The following BRWD1 variants were observed in gnomAD, a reference collection of about 807,000 sequenced individuals.
BRWD1 encodes bromodomain and WD repeat domain containing 1.
A neutral mutation model predicts 251.2 loss-of-function variants in BRWD1; 82 were observed. The observed-to-expected ratio is 0.33, with a 90% CI of 0.27 to 0.39. BRWD1 has a LOEUF of 0.39. BRWD1 is among the 10% of genes least tolerant of loss of function. BRWD1 has a pLI of 1.00. For synonymous variants in BRWD1, 918 were observed against 902.8 expected (o/e 1.02, Z -0.30); for missense variants, 2,233 against 2,711.6 (o/e 0.82, Z 3.92).
intron 5 of BRWD1, 138 bp from the exon 6 acceptor site, chr21:39,296,501 G>T: frequency 7.9e-7 from 1 of 1,262,474 alleles, no homozygotes; most frequent in Non-Finnish European, 1.0e-6. Context: ...AAAAGCCCTG[G>T]AGGTTTATTA....
At chr21:39,264,186 A>C (rs1489907393) in intron 17 of BRWD1, among the ~76,000 whole-genome samples, 1 of 152,188 alleles carries the variant, frequency 6.6e-6, no homozygotes, top group African/African-American at 2.4e-5. Flanking sequence ...GTTACACACT[A>C]TAGATTTGAT....
chr21:39,298,828 T>C (rs2036028653), intron 4 of BRWD1, among the ~76,000 whole-genome samples: 1 of 152,092 alleles, frequency 6.6e-6, no homozygotes, highest in South Asian at 2.1e-4. Flanking sequence ...TGTTCTAAAA[T>C]TTATATGCAA....
chr21:39,228,986 G>T (rs909111832), intron 26 of BRWD1, among the ~76,000 whole-genome samples: 1 of 152,146 alleles, frequency 6.6e-6, no homozygotes, highest in African/African-American at 2.4e-5. Context: ...GACAGCACAG[G>T]TGTAGGAAAT....
chr21:39,274,381 T>C lies in BRWD1; in HGVS notation c.1237A>G (p.Ile413Val). The change falls in exon 13 of 41, where the codon ATC becomes GTC. Residue 413 changes from isoleucine to valine, a missense_variant. By Grantham distance (29) the Ile-to-Val change is conservative. This residue lies in a region of BRWD1 where 315 missense variants were observed against 421.8 expected (regional missense o/e 0.75). Transcript: ENST00000342449. Reference sequence around the variant, plus strand: ...CTAACAATCTCAACTTACCCTGAGATTCTGGTAGCCATATCCAATAAAATG... The same window carrying C: ...CTAACAATCTCAACTTACCCTGAGACTCTGGTAGCCATATCCAATAAAATG... ...RSILLDMATRISGDLSSEEER... is the reference protein window; with the variant it reads ...RSILLDMATRVSGDLSSEEER... 6.2e-7 allele frequency: 1 copy of C among 1,612,642 alleles called. No individual in the cohort carries two copies. The highest frequency in any genetic ancestry group is 8.5e-7 in the Non-Finnish European group (1 of 1,178,800).
chr21:39,225,250 A>T (rs2033333817), intron 27 of BRWD1, 53 bp from the exon 28 acceptor site: 4 of 1,286,586 alleles, frequency 3.1e-6, no homozygotes, highest in South Asian at 2.4e-5. Flanking sequence ...ATTCATTAAC[A>T]TTTTTTTAAT....
rs75966259 is a variant in BRWD1, at chr21:39,288,185, T to C, written c.831+5626A>G. 3.4e-3 allele frequency among the ~76,000 whole-genome samples: 515 copies of C among 152,244 alleles called. 1 individual carries two copies. The highest frequency in any genetic ancestry group is 0.012 in the African/African-American group (500 of 41,552). Reference sequence around the variant, plus strand: ...AGACCTTTCCATAGGGCAGTTTGAGTGTGCAATCTACCTAACAACTGGCTT... The same window carrying C: ...AGACCTTTCCATAGGGCAGTTTGAGCGTGCAATCTACCTAACAACTGGCTT... On this transcript the variant is annotated intron_variant, in intron 8 of 40. Transcript: ENST00000342449.
At chr21:39,267,289 C>T (rs1215022005) in intron 15 of BRWD1, among the ~76,000 whole-genome samples, 1 of 151,930 alleles carries the variant, frequency 6.6e-6, no homozygotes, top group Non-Finnish European at 1.5e-5. Context: ...GATGCTACTA[C>T]ACTGCCTCTA....
intron 37 of BRWD1, among the ~76,000 whole-genome samples, chr21:39,203,599 A>G (rs907070164): frequency 2.0e-5 from 3 of 150,822 alleles, no homozygotes; most frequent in African/African-American, 7.3e-5. Context: ...AGTAGAGACA[A>G]GGTTTCACCA....
At chr21:39,260,102 T>C (rs1227086216) in intron 17 of BRWD1, among the ~76,000 whole-genome samples, 2 of 152,180 alleles carry the variant, frequency 1.3e-5, no homozygotes, top group African/African-American at 4.8e-5. Context: ...ATTAACTTTG[T>C]CTTTAAAAAT....
intron 5 of BRWD1, chr21:39,296,833 G>A: frequency 3.1e-6 from 3 of 975,374 alleles, no homozygotes; most frequent in Non-Finnish European, 3.7e-6. Flanking sequence ...CAATACTAAA[G>A]ATGAAAGGTC....
chr21:39,198,983 A>G lies in BRWD1; in HGVS notation c.5433T>C (p.Ser1811=). ...TCAGAATCTTGGTTTTTTTAAAGAA[A>G]CTCGCATTCTTGTGAAATGTATTGT... The part of the protein sequence containing the change: ...RKYNTFHKNA[S]FFKKTKILSD... Residue 1811 remains serine, a synonymous_variant, in exon 40 of 41, where the codon AGT becomes AGC. Transcript: ENST00000342449. The G allele has an allele frequency of 6.2e-7, 1 of 1,613,824 alleles. No homozygotes were observed. Among genetic ancestry groups the G allele is most frequent in the Non-Finnish European group, 8.5e-7 (1 of 1,179,960 alleles).
chr21:39,319,176 A>G (rs1035609218), intron 1 of BRWD1, among the ~76,000 whole-genome samples: 2 of 152,288 alleles, frequency 1.3e-5, no homozygotes, highest in South Asian at 2.1e-4. Flanking sequence ...TCCTCCACCT[A>G]CTAGTGGTGT....
chr21:39,230,799 C>T (rs576675980), intron 25 of BRWD1, among the ~76,000 whole-genome samples: 2 of 150,738 alleles, frequency 1.3e-5, no homozygotes, highest in African/African-American at 4.9e-5. Flanking sequence ...GTTTGCAGTG[C>T]GAGAGCTTAA....
At chr21:39,253,155 G>A (rs2146617852) in intron 19 of BRWD1, among the ~76,000 whole-genome samples, 1 of 152,136 alleles carries the variant, frequency 6.6e-6, no homozygotes, top group Non-Finnish European at 1.5e-5. Flanking sequence ...CGGGTGTGGT[G>A]ACCCATGACT....
At position 39,277,333 on chromosome 21, in the gene BRWD1, G is replaced by A. The variant is rs2035309942; in HGVS notation, c.1022C>T (p.Thr341Ile). The A allele has an allele frequency of 6.3e-7, 1 of 1,595,870 alleles. No homozygotes were observed. Among genetic ancestry groups the A allele is most frequent in the Non-Finnish European group, 8.5e-7 (1 of 1,170,798 alleles). ...SFSVGGMFLA[T>I]GSTDHVIRMY... is the part of the protein sequence containing the mutation. ...TCTGATTACATGATCAGTACTACCT[G>A]TGGCTAAAAACATACCACCTGAAAT... The change falls in exon 11 of 41, where the codon ACA becomes ATA. Residue 341 changes from threonine (T) to isoleucine (I), a missense_variant. Coordinates refer to ENST00000342449, the MANE Select transcript of BRWD1 (RefSeq NM_033656.4).
chr21:39,232,295 G>A lies in BRWD1; in HGVS notation c.2893-11C>T. On this transcript the variant is annotated splice_polypyrimidine_tract_variant and intron_variant, in intron 24 of 40. Transcript: ENST00000342449. The stretch of plus-strand genomic sequence containing the variant: ...TCGAAAATATATTACCTACAAAAGG[G>A]AAATATGCATTTAAAAATTAAGAGC... 1 of 1,603,154 alleles carries A rather than the reference G, an allele frequency of 6.2e-7. No individual in the cohort carries two copies. The highest frequency in any genetic ancestry group is 8.5e-7 in the Non-Finnish European group (1 of 1,176,596).
intron 8 of BRWD1, among the ~76,000 whole-genome samples, chr21:39,286,731 G>C (rs1315655305): frequency 2.0e-5 from 3 of 151,624 alleles, no homozygotes; most frequent in African/African-American, 7.3e-5. Context: ...GGTCAGGCTG[G>C]TCTGAAACTC....
intron 8 of BRWD1, among the ~76,000 whole-genome samples, chr21:39,287,668 C>T (rs1353791934): frequency 1.3e-5 from 2 of 151,830 alleles, no homozygotes; most frequent in African/African-American, 2.4e-5. Flanking sequence ...TGTTTTTTAC[C>T]AGTATTTTTA....
chr21:39,276,196 G>T lies in BRWD1; in HGVS notation c.1122C>A (p.Ile374=). Residue 374 remains isoleucine (I), a synonymous_variant, in exon 12 of 41, where the codon ATC becomes ATA. Coordinates refer to ENST00000342449, the MANE Select transcript of BRWD1 (RefSeq NM_033656.4). ...LESHTDKVDS[I]QFCNNGDRFL... ...ACCGATCACCATTGTTACAAAATTG[G>T]ATACTATCTACTTTATCCTAAAGGG... 6.2e-7 allele frequency: 1 copy of T among 1,607,370 alleles called. No individual in the cohort carries two copies.
Sources: gnomAD v4.1 joint callset for allele counts (sites outside exome capture counted in the v4.1 genomes callset) on GRCh38, gnomAD v4.1.1 for gene constraint, gnomAD v4.1.1 regional missense constraint, MANE v1.5 for transcripts, NCBI Gene and HGNC (gene_info 2026-07-23, HGNC 2026-07-21) for gene names.